The following TXNRD3 variants were observed in gnomAD, a reference collection of about 807,000 sequenced individuals.
TXNRD3 encodes TXNRD3 neighbor gene protein.
Under a neutral mutation model 78.2 loss-of-function variants are expected in TXNRD3, and 68 were observed. That is an observed-to-expected ratio of 0.87 (90% CI 0.72 to 1.06). TXNRD3 has a LOEUF of 1.06. Ranked by LOEUF, TXNRD3 falls within the 50% of genes least tolerant of loss-of-function variation. The pLI, the probability that TXNRD3 is intolerant of heterozygous loss-of-function variation, is 0.00. For synonymous variants in TXNRD3, 296 were observed against 300.1 expected (o/e 0.99, Z 0.14); for missense variants, 751 against 809.5 (o/e 0.93, Z 0.88).
Position 126,618,234 on chromosome 3 carries a change from A to G in TXNRD3, c.1525-2772T>C, listed in dbSNP as rs375833681. Among the ~76,000 whole-genome samples, 32 of 152,350 alleles carry G rather than the reference A, an allele frequency of 2.1e-4. 1 individual carries two copies. In the South Asian group the frequency reaches 6.6e-3, roughly 32 times the overall value. On this transcript the variant is annotated intron_variant, in intron 12 of 15. Transcript: ENST00000524230. ...TAGAAAAAACAATCTTAAAATTTTTATGAAACCACAAAAGAAGCCAAATAG... is the reference window on the plus strand; with the variant it reads ...TAGAAAAAACAATCTTAAAATTTTTGTGAAACCACAAAAGAAGCCAAATAG...
At chr3:126,608,894 TA>T (rs1303366281) in intron 14 of TXNRD3, among the ~76,000 whole-genome samples, 1 of 152,192 alleles carries the variant, frequency 6.6e-6, no homozygotes, top group East Asian at 1.9e-4. Flanking sequence ...AGGAGTTCAT[TA>T]GTATGATGTA....
intron 10 of TXNRD3, among the ~76,000 whole-genome samples, chr3:126,623,454 T>C (rs1938501493): frequency 6.6e-6 from 1 of 152,210 alleles, no homozygotes; most frequent in African/African-American, 2.4e-5. Context: ...TTTAATGAAA[T>C]GTTAGCAAGT....
chr3:126,624,124 T>C (rs975568980), intron 10 of TXNRD3, among the ~76,000 whole-genome samples: 2 of 152,074 alleles, frequency 1.3e-5, no homozygotes, highest in East Asian at 1.9e-4. Context: ...TGGAAAAACA[T>C]ATGAGGTTCA....
At chr3:126,617,469 A>C (rs1311929487) in intron 12 of TXNRD3, among the ~76,000 whole-genome samples, 1 of 152,190 alleles carries the variant, frequency 6.6e-6, no homozygotes, top group Non-Finnish European at 1.5e-5. Flanking sequence ...CCCACCCACA[A>C]GGTCTCCATG....
intron 13 of TXNRD3, among the ~76,000 whole-genome samples, chr3:126,613,124 G>A (rs1456866196): frequency 2.0e-5 from 3 of 152,104 alleles, no homozygotes; most frequent in East Asian, 1.9e-4. Flanking sequence ...GCTCTGCTGT[G>A]GAAAACAGTG....
At chr3:126,654,670 C>A in intron 1 of TXNRD3, 78 bp downstream of exon 1, 2 of 1,035,164 alleles carry the variant, frequency 1.9e-6, no homozygotes, top group Non-Finnish European at 2.4e-6. Context: ...CGCCCCGGCC[C>A]GGACCCGCCC....
At chr3:126,642,899 A>T (rs1421237179) in intron 5 of TXNRD3, among the ~76,000 whole-genome samples, 1 of 152,232 alleles carries the variant, frequency 6.6e-6, no homozygotes, top group Non-Finnish European at 1.5e-5. Context: ...CAGAAAAGAG[A>T]AGACACACTT....
chr3:126,618,863 C>CAAAAA (rs36021189), intron 12 of TXNRD3, among the ~76,000 whole-genome samples: 9 of 73,086 alleles, frequency 1.2e-4, no homozygotes, highest in African/African-American at 1.8e-4. Context: ...AACTCAGAGC[C>CAAAAA]AAAAAAAAAA....
Position 126,642,017 on chromosome 3 carries a change from T to G in TXNRD3, c.712+15A>C, listed in dbSNP as rs747706576. 1 of 1,524,218 alleles carries G rather than the reference T, an allele frequency of 6.6e-7. No homozygotes were observed. Among genetic ancestry groups the G allele is most frequent in the Admixed American group, 2.1e-5 (1 of 47,366 alleles). 94.4% of individuals were successfully genotyped at this position (1,524,218 alleles called of 1,614,324 possible). On this transcript the variant is annotated intron_variant, in intron 6 of 15. Coordinates refer to ENST00000524230, the MANE Select transcript of TXNRD3 (RefSeq NM_052883.3). ...TTCTTTTCTCTCAATCTATACTTTA[T>G]GAACCATTACTCACCTTGTTGATTA...
rs537224243 is a variant in TXNRD3 at position 126,638,137 on chromosome 3, G to A, written c.712+3895C>T. Among the ~76,000 whole-genome samples, 8 of 151,616 alleles carry A rather than the reference G, an allele frequency of 5.3e-5. No homozygotes were observed. In the East Asian group the frequency reaches 1.6e-3, roughly 29 times the overall value. On this transcript the variant is annotated intron_variant, in intron 6 of 15. Coordinates refer to ENST00000524230, the MANE Select transcript of TXNRD3 (RefSeq NM_052883.3). ...TTTTTGTATTTTTAGTAGAGACAGG[G>A]TTTCATTGTGTTAGCCAGAATGGTC...
chr3:126,611,157 G>A, intron 13 of TXNRD3, 25 bp from the exon 14 acceptor site: 1 of 1,427,906 alleles, frequency 7.0e-7, no homozygotes, highest in Non-Finnish European at 9.4e-7. Flanking sequence ...AGAGAAAAAG[G>A]GCAGAATTAA....
intron 10 of TXNRD3, chr3:126,625,919 G>C (rs1454673408): frequency 2.6e-5 from 4 of 152,634 alleles, no homozygotes; most frequent in Non-Finnish European, 4.4e-5. Flanking sequence ...TCTTCAACTA[G>C]AAAACATGTT....
Position 126,630,880 on chromosome 3 carries a change from A to G in TXNRD3, c.1029T>C (p.Ser343=). The G allele has an allele frequency of 6.5e-7, 1 of 1,536,112 alleles. No individual in the cohort carries two copies. Among genetic ancestry groups the G allele is most frequent in the African/African-American group, 1.4e-5 (1 of 73,142 alleles). Residue 343 remains serine (S), a synonymous_variant, in exon 9 of 16, where the codon TCT becomes TCC. Transcript: ENST00000524230. ...ACCCTGCACACTCCAGGGCAACATA[A>G]GAGGCACCCACCACTAATGTTTTGC...
chr3:126,622,637 TGGAA>T, intron 10 of TXNRD3, 97 bp from the exon 11 acceptor site: 4 of 884,072 alleles, frequency 4.5e-6, no homozygotes, highest in African/African-American at 1.7e-5. Flanking sequence ...AGGGTAATAA[TGGAA>T]TATTACAAAC....
At chr3:126,609,537 A>G (rs976226176) in intron 14 of TXNRD3, among the ~76,000 whole-genome samples, 4 of 152,198 alleles carry the variant, frequency 2.6e-5, no homozygotes, top group African/African-American at 9.6e-5. Flanking sequence ...GAGTGAGGAA[A>G]GTCTCATTTA....
At chr3:126,632,653 C>CT (rs1226032711) in intron 7 of TXNRD3, among the ~76,000 whole-genome samples, 3 of 138,958 alleles carry the variant, frequency 2.2e-5, no homozygotes, top group African/African-American at 8.1e-5. Flanking sequence ...GAGCAAGACT[C>CT]TGTCTCAAAA....
chr3:126,621,619 A>T, intron 12 of TXNRD3, 123 bp downstream of exon 12: 1 of 907,120 alleles, frequency 1.1e-6, no homozygotes, highest in Non-Finnish European at 1.6e-6. Context: ...TAGTAAGTCT[A>T]CTGCAAATTA....
intron 5 of TXNRD3, among the ~76,000 whole-genome samples, chr3:126,642,368 G>A (rs1174202548): frequency 6.6e-6 from 1 of 152,192 alleles, no homozygotes; most frequent in East Asian, 1.9e-4. Flanking sequence ...CATGTGAGAA[G>A]TTTTCTGGGC....
chr3:126,643,513 T>G (rs1213194052), intron 5 of TXNRD3, among the ~76,000 whole-genome samples: 1 of 152,158 alleles, frequency 6.6e-6, no homozygotes, highest in Non-Finnish European at 1.5e-5. Context: ...GAAAAGTGTT[T>G]CTGGCAAACT....
Sources: allele counts gnomAD v4.1 joint callset (sites outside exome capture counted in the v4.1 genomes callset), GRCh38; gene constraint gnomAD v4.1.1; transcripts MANE v1.5; gene names NCBI Gene and HGNC (gene_info 2026-07-23, HGNC 2026-07-21).